ARHGAP39: variants seen among roughly 807,000 people sequenced by gnomAD.
The protein encoded by ARHGAP39 is Rho GTPase activating protein 39, also known as rho GTPase-activating protein 39.
A neutral mutation model predicts 106.9 loss-of-function variants in ARHGAP39; 44 were observed. The ratio of observed to expected loss-of-function variants is 0.41; its 90% CI spans 0.32 to 0.53. The LOEUF (loss-of-function observed/expected upper bound fraction) is 0.53. Among genes scored for constraint, ARHGAP39 ranks in the 20% least tolerant of loss-of-function variants. ARHGAP39 has a pLI of 0.21. For missense variants in ARHGAP39, 1,496 were observed against 1,577.3 expected, an observed-to-expected ratio of 0.95 and a Z score of 0.87; for synonymous variants, 768 against 693.2, an observed-to-expected ratio of 1.11 and a Z score of -1.69.
In ARHGAP39 at chr8:144,645,631, T is replaced by G. The variant is rs74750083; in HGVS notation, c.-81-39936A>C. Among the ~76,000 whole-genome samples the G allele has an allele frequency of 7.9e-5, 12 of 152,312 alleles. No homozygotes were observed. In the East Asian group the frequency reaches 2.3e-3, roughly 29 times the overall value. ...CCCATGAATGTCATCATCCCAGACG[T>G]GTTAGGAATGAAAGACATGACATGT... On this transcript the variant is annotated intron_variant, in intron 1 of 11. Coordinates refer to ENST00000377307, the MANE Select transcript of ARHGAP39 (RefSeq NM_025251.3). This position sits in a 1 kb window ranked among gnomAD's most constrained non-coding sequence, Gnocchi z 4.4.
At chr8:144,537,866 C>T (rs914825253) in intron 6 of ARHGAP39, 53 bp from the exon 7 acceptor site, 6 of 1,535,732 alleles carry the variant, frequency 3.9e-6, no homozygotes, top group Middle Eastern at 1.7e-4. Flanking sequence ...CAGGAGCCAG[C>T]GCCCACTCAG....
chr8:144,633,147 GT>G (rs1563717159), intron 1 of ARHGAP39, among the ~76,000 whole-genome samples: 7 of 147,662 alleles, frequency 4.7e-5, no homozygotes, highest in East Asian at 2.0e-4. Flanking sequence ...GTTTTTTTTT[GT>G]TTGTTTGTTT....
the ARHGAP39 span, among the ~76,000 whole-genome samples, chr8:144,696,849 C>A: frequency 1.3e-5 from 2 of 152,132 alleles, no homozygotes; most frequent in Non-Finnish European, 2.9e-5. Context: ...TCCCTAGTAA[C>A]CAACATTCTT....
chr8:144,619,603 C>T (rs1039403989), intron 1 of ARHGAP39, among the ~76,000 whole-genome samples: 4 of 147,260 alleles, frequency 2.7e-5, no homozygotes, highest in South Asian at 2.2e-4. Flanking sequence ...CCTGAGAGAG[C>T]GTGCATGTCC....
At chr8:144,687,700 A>T (rs866165416), upstream of ARHGAP39, among the ~76,000 whole-genome samples, 24 of 110,592 alleles carry the variant, frequency 2.2e-4, no homozygotes, top group South Asian at 8.4e-4. Context: ...CCGTGACCAC[A>T]CACTAGCGGT....
intron 2 of ARHGAP39, among the ~76,000 whole-genome samples, chr8:144,601,784 CGT>C (rs138409523): frequency 0.032 from 3,138 of 97,560 alleles, 121 homozygotes; most frequent in South Asian, 0.13. Context: ...TGGAGGCATG[CGT>C]GTGTGCTAAT....
At position 144,598,002 on chromosome 8, in the gene ARHGAP39, C is replaced by T. The variant is rs192942803; in HGVS notation, c.80+7533G>A. 5.4e-4 allele frequency among the ~76,000 whole-genome samples: 82 copies of T among 152,316 alleles called. 1 individual carries two copies. Among genetic ancestry groups the T allele is most frequent in the Non-Finnish European group, 9.3e-4 (63 of 68,024 alleles). ...TGGAAACCTGAGGGCTAAGAACACA[C>T]GGAGATGCTCAAACCCACCAGGTAG... On this transcript the variant is annotated intron_variant, in intron 2 of 11. Transcript: ENST00000377307.
chr8:144,600,210 T>A (rs1209599502), intron 2 of ARHGAP39, among the ~76,000 whole-genome samples: 1 of 101,558 alleles, frequency 9.8e-6, no homozygotes. Context: ...TGTGCGTGTG[T>A]GTGGGGGGCA....
At chr8:144,668,986 AGAGTT>A (rs1822029644) in intron 1 of ARHGAP39, among the ~76,000 whole-genome samples, 1 of 152,128 alleles carries the variant, frequency 6.6e-6, no homozygotes, top group Admixed American at 6.5e-5. Flanking sequence ...ACAACAGCAC[AGAGTT>A]GAGTTCAGAA....
intron 1 of ARHGAP39, among the ~76,000 whole-genome samples, chr8:144,606,434 C>G (rs1306342005): frequency 6.6e-6 from 1 of 152,244 alleles, no homozygotes; most frequent in Non-Finnish European, 1.5e-5. Flanking sequence ...CACGTAATGA[C>G]AGTAAATATG....
chr8:144,622,736 C>T (rs1586621995), intron 1 of ARHGAP39, among the ~76,000 whole-genome samples: 1 of 152,244 alleles, frequency 6.6e-6, no homozygotes, highest in African/African-American at 2.4e-5. Context: ...TTGGCAAGAA[C>T]GTTCAGAACC....
intron 2 of ARHGAP39, among the ~76,000 whole-genome samples, chr8:144,583,130 G>A (rs1819058736): frequency 6.6e-6 from 1 of 152,130 alleles, no homozygotes; most frequent in Non-Finnish European, 1.5e-5. Flanking sequence ...GTCTCGCCAG[G>A]CACCAATAGC....
At chr8:144,557,863 T>C (rs1818003859) in intron 3 of ARHGAP39, among the ~76,000 whole-genome samples, 1 of 152,266 alleles carries the variant, frequency 6.6e-6, no homozygotes, top group Non-Finnish European at 1.5e-5. Flanking sequence ...TAATACAGTT[T>C]TTGGAAGTGC....
intron 3 of ARHGAP39, among the ~76,000 whole-genome samples, chr8:144,562,246 A>G (rs1389932650): frequency 6.5e-5 from 9 of 138,260 alleles, no homozygotes; most frequent in African/African-American, 1.4e-4. Context: ...TTTCCATCAC[A>G]CTCCAGTGGT....
chr8:144,598,086 C>T (rs758907320), intron 2 of ARHGAP39, among the ~76,000 whole-genome samples: 5 of 152,206 alleles, frequency 3.3e-5, no homozygotes, highest in African/African-American at 7.2e-5. Flanking sequence ...GTAGGAGCTC[C>T]GTGGTGGGGA....
Position 144,547,414 on chromosome 8 carries a change from G to C in ARHGAP39, c.1672C>G (p.Arg558Gly). ...GCCTGCTGCGCCTCCCAGGCCAGCCGAGCCTGCGCCAGGAAGGGCTCGGCC... is the reference window on the plus strand; with the variant it reads ...GCCTGCTGCGCCTCCCAGGCCAGCCCAGCCTGCGCCAGGAAGGGCTCGGCC... ...GAAEPFLAQARLAWEAQQAHF... is the reference protein window; with the variant it reads ...GAAEPFLAQAGLAWEAQQAHF... The change falls in exon 5 of 12, where the codon CGG becomes GGG. Residue 558 changes from arginine (R) to glycine (G), a missense_variant. Coordinates refer to ENST00000377307, the MANE Select transcript of ARHGAP39 (RefSeq NM_025251.3). This position sits in a 1 kb window ranked among gnomAD's most constrained non-coding sequence, Gnocchi z 5.2. 1.3e-6 allele frequency: 2 copies of C among 1,591,656 alleles called. No individual in the cohort carries two copies. The highest frequency in any genetic ancestry group is 8.5e-7 in the Non-Finnish European group (1 of 1,175,840).
In ARHGAP39 at chr8:144,568,942, T is replaced by TA. The variant is rs577141367; in HGVS notation, c.512+11903dup. On this transcript the variant is annotated intron_variant, in intron 3 of 11. Coordinates refer to ENST00000377307, the MANE Select transcript of ARHGAP39 (RefSeq NM_025251.3). ...AAATCAAACAGCGAGACGACAGATT[T>TA]ACGCCTAAGCCTGACCCTAGCCATG... Among the ~76,000 whole-genome samples the TA allele has an allele frequency of 1.1e-4, 17 of 152,278 alleles. No individual in the cohort carries two copies. The South Asian group carries it at 3.5e-3, about 32-fold the overall frequency.
At chr8:144,555,457 G>T (rs999176385) in intron 4 of ARHGAP39, 103 bp downstream of exon 4, 30 of 1,008,040 alleles carry the variant, frequency 3.0e-5, no homozygotes, top group Non-Finnish European at 4.3e-5. Context: ...TGGGTCTGTG[G>T]TGTTGCTGCT....
At position 144,591,515 on chromosome 8, in the gene ARHGAP39, T is replaced by C. The variant is rs770818946; in HGVS notation, c.81-10238A>G. 5.9e-4 allele frequency among the ~76,000 whole-genome samples: 90 copies of C among 152,166 alleles called. No homozygotes were observed. The highest frequency in any genetic ancestry group is 2.1e-3 in the South Asian group (10 of 4,822). Reference sequence around the variant, plus strand: ...GACTTGTTTGCATCCCCTTCCACCATGATTGTTCCCTGGGCGCCCCAGCCA... The same window carrying C: ...GACTTGTTTGCATCCCCTTCCACCACGATTGTTCCCTGGGCGCCCCAGCCA... On this transcript the variant is annotated intron_variant, in intron 2 of 11. Coordinates refer to ENST00000377307, the MANE Select transcript of ARHGAP39 (RefSeq NM_025251.3). This position sits in a 1 kb window ranked among gnomAD's most constrained non-coding sequence, Gnocchi z 5.3.
Sources: gnomAD v4.1 joint callset for allele counts (sites outside exome capture counted in the v4.1 genomes callset) on GRCh38, gnomAD v4.1.1 for gene constraint, Gnocchi (gnomAD v3.1) non-coding constraint, MANE v1.5 for transcripts, NCBI Gene and HGNC (gene_info 2026-07-23, HGNC 2026-07-21) for gene names.